The following SLCO3A1 variants were observed in gnomAD, a reference collection of about 807,000 sequenced individuals.
SLCO3A1 encodes the protein solute carrier organic anion transporter family member 3A1.
SLCO3A1 carries 27 observed loss-of-function variants against 63.1 expected under a neutral mutation model. The ratio of observed to expected loss-of-function variants is 0.43; its 90% CI spans 0.32 to 0.59. The LOEUF (loss-of-function observed/expected upper bound fraction) is 0.59, where lower values mean the gene tolerates loss of function less well. Ranked by LOEUF, SLCO3A1 falls within the 20% of genes least tolerant of loss-of-function variation. The pLI is 0.09. For missense variants in SLCO3A1, 773 were observed against 945.8 expected (o/e 0.82, Z 2.40); for synonymous variants, 473 against 409.9 (o/e 1.15, Z -1.86).
At chr15:92,140,458 A>T (rs907533597) in intron 7 of SLCO3A1, among the ~76,000 whole-genome samples, 1 of 151,314 alleles carries the variant, frequency 6.6e-6, no homozygotes, top group Non-Finnish European at 1.5e-5. Context: ...TATTCTGTTG[A>T]TTTGGGGTGG....
chr15:91,966,859 A>C (rs1900679225), intron 2 of SLCO3A1, among the ~76,000 whole-genome samples: 1 of 152,214 alleles, frequency 6.6e-6, no homozygotes, highest in Non-Finnish European at 1.5e-5. Flanking sequence ...GCTTTGTAGA[A>C]TGTAAAAAAG....
chr15:92,127,140 C>T (rs577783220), intron 6 of SLCO3A1, among the ~76,000 whole-genome samples: 1 of 152,346 alleles, frequency 6.6e-6, no homozygotes, highest in African/African-American at 2.4e-5. Context: ...TGTGCCCCTC[C>T]TTCCCCTTTA....
chr15:92,164,840 G>A lies in SLCO3A1; in HGVS notation c.*1705G>A, dbSNP rs2048480014. 1 of 985,344 alleles carries A rather than the reference G, an allele frequency of 1.0e-6. No homozygotes were observed. Among genetic ancestry groups the A allele is most frequent in the Non-Finnish European group, 1.2e-6 (1 of 829,938 alleles). The allele number at this position is 985,344 out of a possible 1,614,324, so 61.0% of individuals were successfully genotyped here. On this transcript the variant is annotated 3_prime_UTR_variant, in exon 10 of 10. Transcript: ENST00000318445. ...GCCTTCTACGGCCATTTCTGTAAGG[G>A]GACAGAGCTTAGGTAAAGGCACACA... is the stretch of plus-strand genomic sequence containing the variant.
intron 2 of SLCO3A1, among the ~76,000 whole-genome samples, chr15:92,021,089 A>T (rs2046503466): frequency 6.6e-6 from 1 of 152,184 alleles, no homozygotes; most frequent in South Asian, 2.1e-4. Flanking sequence ...AGACATGTCT[A>T]AGTACTCAAC....
chr15:92,136,596 T>C (rs2048060149), intron 7 of SLCO3A1, among the ~76,000 whole-genome samples: 1 of 152,210 alleles, frequency 6.6e-6, no homozygotes, highest in African/African-American at 2.4e-5. Flanking sequence ...GGAACAGAAA[T>C]ACAGTTTTCA....
intron 5 of SLCO3A1, among the ~76,000 whole-genome samples, chr15:92,124,797 G>C (rs918086833): frequency 1.3e-5 from 2 of 152,180 alleles, no homozygotes; most frequent in Admixed American, 1.3e-4. Flanking sequence ...GAAGAGAGTA[G>C]GGGCCAGCCA....
chr15:91,943,243 C>T (rs539800024), intron 2 of SLCO3A1, among the ~76,000 whole-genome samples: 2 of 152,294 alleles, frequency 1.3e-5, no homozygotes, highest in East Asian at 3.9e-4. Context: ...CCCATTCCCC[C>T]TCCCCTCAGC....
intron 2 of SLCO3A1, among the ~76,000 whole-genome samples, chr15:92,006,545 A>G (rs1326026442): frequency 6.6e-6 from 1 of 152,102 alleles, no homozygotes; most frequent in Non-Finnish European, 1.5e-5. Flanking sequence ...TCCTACTTTG[A>G]TCTGGCATAT....
intron 2 of SLCO3A1, among the ~76,000 whole-genome samples, chr15:91,966,588 A>G (rs1900669844): frequency 1.3e-5 from 2 of 152,154 alleles, no homozygotes; most frequent in African/African-American, 4.8e-5. Flanking sequence ...CTAGCACCCA[A>G]ATTTTGAGGA....
chr15:91,994,036 A>C (rs1351097470), intron 2 of SLCO3A1, among the ~76,000 whole-genome samples: 1 of 152,226 alleles, frequency 6.6e-6, no homozygotes, highest in Non-Finnish European at 1.5e-5. Context: ...TCTTGGTTGC[A>C]ACTTCATCAG....
rs1248316415 is a variant in SLCO3A1 at position 91,880,391 on chromosome 15, C to CTGTGTGTGTGTGTGTGTGTG, written c.180+26304_180+26305insGTGTGTGTGTGTGTGTGTGT. Among the ~76,000 whole-genome samples the CTGTGTGTGTGTGTGTGTGTG allele has an allele frequency of 2.3e-3, 170 of 74,448 alleles. 2 individuals carry two copies. The East Asian group carries it at 0.073, about 32-fold the overall frequency. 48.8% of individuals were successfully genotyped at this position (74,448 alleles called of 152,430 possible). A position where few individuals can be genotyped will look rare whatever the true frequency, so the allele number is the denominator to read the frequency against. On this transcript the variant is annotated intron_variant, in intron 1 of 9. Coordinates refer to ENST00000318445, the MANE Select transcript of SLCO3A1 (RefSeq NM_013272.4). ...TACCGGCACTCGTGCTTCTCTCTCT[C>CTGTGTGTGTGTGTGTGTGTG]TCTCTCTCTCTCTCTCTCTGTGTGT...
intron 1 of SLCO3A1, among the ~76,000 whole-genome samples, chr15:91,911,450 A>G (rs762409057): frequency 6.6e-6 from 1 of 152,082 alleles, no homozygotes; most frequent in East Asian, 1.9e-4. Flanking sequence ...CTTGGGGTTC[A>G]GCAGTCTCAC....
chr15:91,853,795 G>A lies in SLCO3A1; in HGVS notation c.-114G>A, dbSNP rs2141825059. 9.8e-7 allele frequency: 1 copy of A among 1,020,252 alleles called. No homozygotes were observed. Among genetic ancestry groups the A allele is most frequent in the Non-Finnish European group, 1.2e-6 (1 of 838,058 alleles). The allele number at this position is 1,020,252 out of a possible 1,614,324, so 63.2% of individuals were successfully genotyped here. A position where few individuals can be genotyped will look rare whatever the true frequency, so the allele number is the denominator to read the frequency against. On this transcript the variant is annotated 5_prime_UTR_variant, in exon 1 of 10. Transcript: ENST00000318445. ...GACGGGGGCGGCCGCCGCGAACCCG[G>A]GGCGGGGACAGCACGCAGCCTCGAG...
chr15:91,951,100 C>G (rs1899981325), intron 2 of SLCO3A1, among the ~76,000 whole-genome samples: 1 of 152,082 alleles, frequency 6.6e-6, no homozygotes, highest in African/African-American at 2.4e-5. Context: ...ACAAAATTCA[C>G]CCTTTTAAAT....
rs192937091 is a variant in SLCO3A1 at position 92,141,223 on chromosome 15, A to C, written c.1513-5761A>C. ...GCAGGGACTGCATTTCTTCCCAGAG[A>C]ATGGCAAACCAGGAAGACACTGCTT... On this transcript the variant is annotated intron_variant, in intron 7 of 9. Transcript: ENST00000318445. Among the ~76,000 whole-genome samples, 466 of 152,334 alleles carry C rather than the reference A, an allele frequency of 3.1e-3. 2 individuals are homozygous for C. Among genetic ancestry groups the C allele is most frequent in the African/African-American group, 0.011 (439 of 41,574 alleles).
At chr15:91,899,302 C>G (rs763543560) in intron 1 of SLCO3A1, among the ~76,000 whole-genome samples, 4 of 152,182 alleles carry the variant, frequency 2.6e-5, no homozygotes, top group Non-Finnish European at 5.9e-5. Flanking sequence ...AGGCGTTTCC[C>G]TAACTAGCTC....
chr15:91,939,418 G>T (rs117621013), intron 2 of SLCO3A1, among the ~76,000 whole-genome samples: 2 of 152,174 alleles, frequency 1.3e-5, no homozygotes, highest in Non-Finnish European at 2.9e-5. Flanking sequence ...TTTGGGTGGG[G>T]ACACAGATCA....
At chr15:92,131,544 T>C (rs1388530608) in intron 7 of SLCO3A1, among the ~76,000 whole-genome samples, 1 of 144,804 alleles carries the variant, frequency 6.9e-6, no homozygotes, top group East Asian at 1.9e-4. Flanking sequence ...TTTTATATTT[T>C]TGGTAGAGAC....
At chr15:92,052,566 T>C (rs2046970638) in intron 2 of SLCO3A1, among the ~76,000 whole-genome samples, 1 of 152,136 alleles carries the variant, frequency 6.6e-6, no homozygotes, top group Non-Finnish European at 1.5e-5. Context: ...GGGAGATCGC[T>C]CTTCCCAAGG....
Sources: gnomAD v4.1 joint callset for allele counts (sites outside exome capture counted in the v4.1 genomes callset) on GRCh38, gnomAD v4.1.1 for gene constraint, MANE v1.5 for transcripts, NCBI Gene and HGNC (gene_info 2026-07-23, HGNC 2026-07-21) for gene names.